CEP120: variants seen among roughly 807,000 people sequenced by gnomAD.
The protein encoded by CEP120 is centrosomal protein of 120 kDa.
In CEP120, 113 loss-of-function variants were observed where a neutral mutation model predicts 126.5. The observed-to-expected ratio is 0.89, with a 90% CI of 0.77 to 1.04. The LOEUF is 1.04. CEP120 is among the 50% of genes least tolerant of loss of function. The pLI, the probability that CEP120 is intolerant of heterozygous loss-of-function variation, is 0.00. For missense variants in CEP120, 1,230 were observed against 1,155.7 expected, an observed-to-expected ratio of 1.06 and a Z score of -0.93; for synonymous variants, 400 against 394.3, an observed-to-expected ratio of 1.01 and a Z score of -0.17.
intron 18 of CEP120, 94 bp from the exon 19 acceptor site, chr5:123,350,183 A>C: frequency 2.7e-6 from 3 of 1,129,098 alleles, no homozygotes; most frequent in East Asian, 2.5e-5. Flanking sequence ...ATTTGACAAC[A>C]CCCATGATAT....
At chr5:123,413,188 C>T (rs1774172771) in intron 3 of CEP120, among the ~76,000 whole-genome samples, 1 of 151,864 alleles carries the variant, frequency 6.6e-6, no homozygotes, top group Non-Finnish European at 1.5e-5. Flanking sequence ...GGGAGGATTG[C>T]TTGAGCCCGA....
chr5:123,356,405 C>A (rs1561997194), intron 18 of CEP120, among the ~76,000 whole-genome samples: 3 of 152,070 alleles, frequency 2.0e-5, no homozygotes, highest in Non-Finnish European at 4.4e-5. Flanking sequence ...GGCCATACTG[C>A]CCATCCTATG....
rs1468100121 is a variant in CEP120, at chr5:123,364,562, A to G, written c.2514T>C (p.Thr838=). The G allele has an allele frequency of 1.4e-5, 22 of 1,606,080 alleles. No homozygotes were observed. Among genetic ancestry groups the G allele is most frequent in the Non-Finnish European group, 1.9e-5 (22 of 1,175,022 alleles). The part of the protein sequence containing the change: ...VELERKLESA[T]KSKLHYKQQW... ...GCTGCTTGTAATGCAGTTTAGACTT[A>G]GTTGCAGATTCCAACTTTCTTTCAA... is the stretch of plus-strand genomic sequence containing the variant. Residue 838 remains threonine, a synonymous_variant, in exon 18 of 20, where the codon ACT becomes ACC. Transcript: ENST00000306467.
Position 123,382,099 on chromosome 5 carries a change from A to T in CEP120, c.2103+12T>A. On this transcript the variant is annotated intron_variant, in intron 14 of 19. Transcript: ENST00000306467. ...TCTTCCTTCTCTTCCTCACTTTTAC[A>T]CAAGTTATTACCTTTTTCTTTACTA... 6.5e-7 allele frequency: 1 copy of T among 1,541,440 alleles called. No individual in the cohort carries two copies. The highest frequency in any genetic ancestry group is 8.9e-7 in the Non-Finnish European group (1 of 1,122,840).
chr5:123,389,344 C>G (rs1283978119), intron 8 of CEP120, among the ~76,000 whole-genome samples: 1 of 152,168 alleles, frequency 6.6e-6, no homozygotes, highest in African/African-American at 2.4e-5. Context: ...TTTAAAAAAT[C>G]TACTTGCAAA....
chr5:123,418,351 A>G lies in CEP120; in HGVS notation c.206+8T>C, dbSNP rs1774502485. ...CAATAAAGAAGCTAAAATGAAAATG[A>G]TAATCACCTGTGCTGATGAAGCGCT... On this transcript the variant is annotated splice_region_variant and intron_variant, in intron 2 of 19. Transcript: ENST00000306467. The G allele has an allele frequency of 2.6e-6, 4 of 1,557,564 alleles. No individual in the cohort carries two copies. Among genetic ancestry groups the G allele is most frequent in the Non-Finnish European group, 3.5e-6 (4 of 1,149,728 alleles).
intron 3 of CEP120, among the ~76,000 whole-genome samples, chr5:123,414,072 C>A (rs1206012861): frequency 3.3e-5 from 5 of 152,154 alleles, no homozygotes; most frequent in Admixed American, 3.3e-4. Flanking sequence ...CCTTTGATTA[C>A]AAATATGTTG....
chr5:123,418,334 A>C (rs769521842), intron 2 of CEP120, 25 bp downstream of exon 2: 1 of 1,519,980 alleles, frequency 6.6e-7, no homozygotes, highest in South Asian at 1.3e-5. Context: ...ACCAATAAAG[A>C]AGCTAAAATG....
At chr5:123,402,474 G>C (rs544348897) in intron 4 of CEP120, 1 of 648,624 alleles carries the variant, frequency 1.5e-6, no homozygotes, top group African/African-American at 1.9e-5. Context: ...GGCTGCAGTG[G>C]ATCTCGGCTT....
chr5:123,393,663 AT>A (rs929110885), intron 5 of CEP120, among the ~76,000 whole-genome samples, 166 bp from the exon 6 acceptor site: 1 of 152,266 alleles, frequency 6.6e-6, no homozygotes, highest in South Asian at 2.1e-4. Flanking sequence ...CCAAATTACT[AT>A]TTTTTTAAAA....
At chr5:123,351,715 T>C (rs952278050) in intron 18 of CEP120, among the ~76,000 whole-genome samples, 9 of 152,190 alleles carry the variant, frequency 5.9e-5, no homozygotes, top group African/African-American at 2.2e-4. Context: ...ATATACCTTG[T>C]ATACACAGCC....
chr5:123,373,121 G>T (rs545785327), intron 16 of CEP120, among the ~76,000 whole-genome samples: 2 of 152,044 alleles, frequency 1.3e-5, no homozygotes, highest in Non-Finnish European at 2.9e-5. Flanking sequence ...AATTCAGCAA[G>T]AGACCACCAG....
At chr5:123,411,640 A>G (rs1774064427) in intron 4 of CEP120, among the ~76,000 whole-genome samples, 1 of 152,226 alleles carries the variant, frequency 6.6e-6, no homozygotes, top group Non-Finnish European at 1.5e-5. Context: ...GGAAAAGGCA[A>G]AACTATGGAG....
At position 123,389,908 on chromosome 5, in the gene CEP120, C is replaced by G; in HGVS notation, c.1255+16G>C. On this transcript the variant is annotated intron_variant, in intron 8 of 19. Transcript: ENST00000306467. ...AATACCTCAAAGATCTATAAACAAA[C>G]AACAAAAAACCTTACCTTTTGGATT... 1.2e-6 allele frequency: 2 copies of G among 1,603,334 alleles called. No homozygotes were observed. The highest frequency in any genetic ancestry group is 1.7e-6 in the Non-Finnish European group (2 of 1,170,868).
rs1769092682 is a variant in CEP120, at chr5:123,349,948, T to A, written c.2722A>T (p.Asn908Tyr). ...QELLDIRNEL[N>Y]RLRQQEQKQY... ...AAACACTTTTAGTTATTATACCTGT[T>A]CAATTCATTTCTTATATCCAACAAT... is the stretch of plus-strand genomic sequence containing the variant. Residue 908 changes from asparagine to tyrosine, a missense_variant, in exon 19 of 20, where the codon AAC (asparagine) becomes TAC (tyrosine). Asn to Tyr is a moderately radical substitution (Grantham distance 143). Transcript: ENST00000306467. 2.0e-5 allele frequency: 32 copies of A among 1,612,834 alleles called. No individual in the cohort carries two copies. Among genetic ancestry groups the A allele is most frequent in the Non-Finnish European group, 2.7e-5 (32 of 1,179,660 alleles).
chr5:123,396,822 G>A (rs1772820684), intron 5 of CEP120, among the ~76,000 whole-genome samples: 1 of 152,014 alleles, frequency 6.6e-6, no homozygotes. Context: ...AGAAATACTT[G>A]GGCCATTAAC....
chr5:123,380,698 C>G (rs1452776921), intron 14 of CEP120, among the ~76,000 whole-genome samples: 1 of 152,042 alleles, frequency 6.6e-6, no homozygotes, highest in Non-Finnish European at 1.5e-5. Context: ...CTAAAATACT[C>G]TTCAACACAA....
intron 6 of CEP120, among the ~76,000 whole-genome samples, chr5:123,392,437 C>A (rs1772465714): frequency 6.6e-6 from 1 of 152,172 alleles, no homozygotes. Context: ...TAAGCGTATA[C>A]AACACCACCC....
At chr5:123,415,951 C>A in intron 3 of CEP120, 59 bp downstream of exon 3, 2 of 1,100,338 alleles carry the variant, frequency 1.8e-6, no homozygotes, top group Admixed American at 1.8e-5. Flanking sequence ...AATCTGTTAT[C>A]TACTGAAAAT....
Sources: allele counts gnomAD v4.1 joint callset (sites outside exome capture counted in the v4.1 genomes callset), GRCh38; gene constraint gnomAD v4.1.1; transcripts MANE v1.5; gene names NCBI Gene and HGNC (gene_info 2026-07-23, HGNC 2026-07-21).